ASAP2: variants seen among roughly 807,000 people sequenced by gnomAD.
ASAP2 encodes ArfGAP with SH3 domain, ankyrin repeat and PH domain 2.
ASAP2 carries 45 observed loss-of-function variants against 131.4 expected under a neutral mutation model. That is an observed-to-expected ratio of 0.34 (90% CI 0.27 to 0.44). ASAP2 has a LOEUF of 0.44. Among genes scored for constraint, ASAP2 ranks in the 20% least tolerant of loss-of-function variants. ASAP2 has a pLI of 1.00. For synonymous variants in ASAP2, 510 were observed against 503.0 expected, an observed-to-expected ratio of 1.01 and a Z score of -0.19; for missense variants, 1,011 against 1,297.0, an observed-to-expected ratio of 0.78 and a Z score of 3.39.
At chr2:9,249,110 G>T (rs2666215) in intron 1 of ASAP2, among the ~76,000 whole-genome samples, 3,493 of 152,340 alleles carry the variant, frequency 0.023, 139 homozygotes, top group African/African-American at 0.08. Context: ...AGGCTGTCTT[G>T]TGGCTGAGGC....
intron 1 of ASAP2, among the ~76,000 whole-genome samples, chr2:9,231,467 A>C (rs896415622): frequency 6.6e-6 from 1 of 152,132 alleles, no homozygotes; most frequent in Non-Finnish European, 1.5e-5. Flanking sequence ...GGTACCTGCT[A>C]CCCGTTCGCT....
chr2:9,377,837 CCTG>C (rs1164234398), intron 18 of ASAP2, among the ~76,000 whole-genome samples: 1 of 152,150 alleles, frequency 6.6e-6, no homozygotes, highest in African/African-American at 2.4e-5. Flanking sequence ...AACCCCAAGA[CCTG>C]CAGCTTCTTC....
rs755408663 is a variant in ASAP2 at position 9,401,257 on chromosome 2, T to C, written c.2824-17T>C. The C allele has an allele frequency of 1.9e-6, 3 of 1,613,078 alleles. No homozygotes were observed. The highest frequency in any genetic ancestry group is 1.7e-6 in the Non-Finnish European group (2 of 1,179,828). On this transcript the variant is annotated splice_polypyrimidine_tract_variant and intron_variant, in intron 26 of 27. Coordinates refer to ENST00000281419, the MANE Select transcript of ASAP2 (RefSeq NM_003887.3). ...GGCCTGCAGCCACACTAACCGTTGT[T>C]CCCTCTCCTGACCCAGACCAAGTTG...
chr2:9,347,869 A>G (rs1451345184), intron 11 of ASAP2, among the ~76,000 whole-genome samples: 4 of 152,212 alleles, frequency 2.6e-5, no homozygotes, highest in African/African-American at 9.7e-5. Flanking sequence ...AAGAAAGAAG[A>G]AAACACCTTC....
At position 9,403,615 on chromosome 2, in the gene ASAP2, A is replaced by AT. The variant is rs892330666; in HGVS notation, c.*288_*289insT. 2.2e-4 allele frequency: 76 copies of AT among 349,094 alleles called. 1 individual carries two copies. Among genetic ancestry groups the AT allele is most frequent in the African/African-American group, 1.4e-3 (67 of 47,068 alleles). The allele number at this position is 349,094 out of a possible 1,614,324, so 21.6% of individuals were successfully genotyped here. A position where few individuals can be genotyped will look rare whatever the true frequency, so the allele number is the denominator to read the frequency against. ...TATACATAATCAAGATCCTGCCTCT[A>AT]CGGAATTAGCTAAACCTAAAAATGT... On this transcript the variant is annotated 3_prime_UTR_variant, in exon 28 of 28. Coordinates refer to ENST00000281419, the MANE Select transcript of ASAP2 (RefSeq NM_003887.3).
chr2:9,385,270 T>A lies in ASAP2; in HGVS notation c.2042T>A (p.Phe681Tyr), dbSNP rs539938494. The stretch of plus-strand genomic sequence containing the variant: ...CTGACCCAAGCCTTATCTGGAAGAT[T>A]TAATTCTCACGTTCACGTTGAATAT... ...ELLTQALSGR[F>Y]NSHVHVEYEW... is the part of the protein sequence containing the mutation. The change falls in exon 21 of 28, where the codon TTT (phenylalanine) becomes TAT (tyrosine). Residue 681 changes from phenylalanine to tyrosine, a missense_variant. By Grantham distance (22) the Phe-to-Tyr change is conservative. This residue lies in a region of ASAP2 where 652 missense variants were observed against 698.9 expected (regional missense o/e 0.93). Transcript: ENST00000281419. 6 of 1,614,148 alleles carry A rather than the reference T, an allele frequency of 3.7e-6. No homozygotes were observed. Among genetic ancestry groups the A allele is most frequent in the Non-Finnish European group, 4.2e-6 (5 of 1,179,974 alleles).
intron 1 of ASAP2, among the ~76,000 whole-genome samples, chr2:9,226,073 G>T (rs1662742810): frequency 1.3e-5 from 2 of 152,208 alleles, no homozygotes; most frequent in African/African-American, 4.8e-5. Flanking sequence ...GTTGTGTCCT[G>T]TGTGCTGCCT....
intron 3 of ASAP2, among the ~76,000 whole-genome samples, chr2:9,309,194 C>T (rs951852194): frequency 2.6e-5 from 4 of 152,150 alleles, no homozygotes; most frequent in African/African-American, 7.2e-5. Flanking sequence ...TTGTGGTATC[C>T]GTAGTATCCC....
intron 1 of ASAP2, among the ~76,000 whole-genome samples, chr2:9,245,503 T>C (rs907128366): frequency 2.6e-5 from 4 of 152,360 alleles, no homozygotes; most frequent in African/African-American, 9.6e-5. Context: ...GTGATGACGT[T>C]ACCTTCTGTA....
chr2:9,287,840 G>A (rs1457029789), intron 2 of ASAP2, among the ~76,000 whole-genome samples: 3 of 152,224 alleles, frequency 2.0e-5, no homozygotes, highest in African/African-American at 7.2e-5. Flanking sequence ...CCTGTCCGCA[G>A]TGACCACTGC....
At chr2:9,241,517 G>A (rs1663965421) in intron 1 of ASAP2, among the ~76,000 whole-genome samples, 1 of 152,166 alleles carries the variant, frequency 6.6e-6, no homozygotes, top group East Asian at 1.9e-4. Flanking sequence ...AGAAGCAGGA[G>A]GATCACTTGA....
At chr2:9,301,820 C>CTTTTTTTTTTTTTTTTTTTTTTTTTT (rs1177064910) in intron 3 of ASAP2, among the ~76,000 whole-genome samples, 1 of 115,410 alleles carries the variant, frequency 8.7e-6, no homozygotes, top group African/African-American at 3.5e-5. Flanking sequence ...TATCCATCAT[C>CTTTTTTTTTTTTTTTTTTTTTTTTTT]TTTTTTTTTT....
intron 27 of ASAP2, among the ~76,000 whole-genome samples, chr2:9,401,740 A>T (rs1676695210): frequency 1.3e-5 from 2 of 152,184 alleles, no homozygotes; most frequent in South Asian, 4.1e-4. Context: ...GAGAGAGCTG[A>T]CCTAGAGCGC....
chr2:9,322,499 G>A (rs940405243), intron 5 of ASAP2, among the ~76,000 whole-genome samples: 8 of 149,244 alleles, frequency 5.4e-5, no homozygotes, highest in African/African-American at 2.1e-4. Flanking sequence ...GCTATTTCAA[G>A]CCCACCTTAG....
intron 1 of ASAP2, among the ~76,000 whole-genome samples, chr2:9,271,842 A>G (rs1666424398): frequency 6.6e-6 from 1 of 151,664 alleles, no homozygotes; most frequent in Admixed American, 6.6e-5. Flanking sequence ...ATTTCCCTTA[A>G]CATAATAACC....
intron 11 of ASAP2, chr2:9,350,600 C>T (rs949300583): frequency 4.2e-6 from 2 of 472,192 alleles, no homozygotes; most frequent in Non-Finnish European, 7.6e-6. Context: ...GGTGCCCTTG[C>T]AGGGAGGCAG....
chr2:9,223,960 G>A (rs1662597403), intron 1 of ASAP2, among the ~76,000 whole-genome samples: 3 of 152,220 alleles, frequency 2.0e-5, no homozygotes, highest in Admixed American at 2.0e-4. Flanking sequence ...TGGGATGCAC[G>A]TAATCCACTG....
intron 6 of ASAP2, among the ~76,000 whole-genome samples, chr2:9,327,412 C>T (rs985734277): frequency 2.0e-5 from 3 of 152,054 alleles, no homozygotes; most frequent in Admixed American, 6.6e-5. Flanking sequence ...TGTCTCAGGA[C>T]GAGAGACATG....
intron 20 of ASAP2, among the ~76,000 whole-genome samples, chr2:9,383,205 A>G (rs1016174713): frequency 6.6e-6 from 1 of 152,094 alleles, no homozygotes; most frequent in African/African-American, 2.4e-5. Context: ...CAGTCTTAGG[A>G]TATGTTATCT....
Sources: gnomAD v4.1 joint callset for allele counts (sites outside exome capture counted in the v4.1 genomes callset) on GRCh38, gnomAD v4.1.1 for gene constraint, gnomAD v4.1.1 regional missense constraint, MANE v1.5 for transcripts, NCBI Gene and HGNC (gene_info 2026-07-23, HGNC 2026-07-21) for gene names.